The following OLA1 variants were observed in gnomAD, a reference collection of about 807,000 sequenced individuals.
OLA1 encodes the protein Obg like ATPase 1.
A neutral mutation model predicts 48.4 loss-of-function variants in OLA1; 14 were observed. The ratio of observed to expected loss-of-function variants is 0.29; its 90% CI spans 0.19 to 0.45. The LOEUF (loss-of-function observed/expected upper bound fraction) is 0.45. OLA1 is among the 20% of genes least tolerant of loss of function. The probability of loss-of-function intolerance (pLI) is 1.00; values close to 1 mark genes in which losing one functional copy is unlikely to be tolerated. For missense variants in OLA1, 325 were observed against 467.1 expected, an observed-to-expected ratio of 0.70 and a Z score of 2.80; for synonymous variants, 127 against 150.4, an observed-to-expected ratio of 0.84 and a Z score of 1.14.
chr2:174,196,890 A>C (rs1559000045), intron 4 of OLA1, among the ~76,000 whole-genome samples: 1 of 152,260 alleles, frequency 6.6e-6, no homozygotes, highest in South Asian at 2.1e-4. Flanking sequence ...AAGAAGCTGA[A>C]TCAGACAAAC....
At chr2:174,242,134 T>C (rs1387602079) in intron 2 of OLA1, among the ~76,000 whole-genome samples, 1 of 152,188 alleles carries the variant, frequency 6.6e-6, no homozygotes, top group Non-Finnish European at 1.5e-5. Flanking sequence ...TGCCTGGAAT[T>C]CACAACACCT....
chr2:174,125,410 G>C (rs1049998869), intron 5 of OLA1, among the ~76,000 whole-genome samples: 3 of 152,038 alleles, frequency 2.0e-5, no homozygotes, highest in African/African-American at 7.3e-5. Context: ...TGAGTGGCCA[G>C]AACAGCTTAT....
chr2:174,102,833 T>C (rs563242832), intron 7 of OLA1, among the ~76,000 whole-genome samples: 14 of 152,328 alleles, frequency 9.2e-5, no homozygotes, highest in African/African-American at 3.4e-4. Context: ...AAGTTCCTGA[T>C]CTTCCTATTG....
rs950203095 is a variant in OLA1 at position 174,091,948 on chromosome 2, C to T, written c.729-9884G>A. Among the ~76,000 whole-genome samples, 25 of 124,838 alleles carry T rather than the reference C, an allele frequency of 2.0e-4. 1 individual carries two copies. The highest frequency in any genetic ancestry group is 7.7e-4 in the African/African-American group (25 of 32,644). 81.9% of individuals were successfully genotyped at this position (124,838 alleles called of 152,430 possible). ...TTTTCTGCCAATCTCTATTCCCTTACATTGACTTATTTTTATTCATGGCAC... is the reference window on the plus strand; with the variant it reads ...TTTTCTGCCAATCTCTATTCCCTTATATTGACTTATTTTTATTCATGGCAC... On this transcript the variant is annotated intron_variant, in intron 7 of 10. Transcript: ENST00000284719.
At position 174,210,856 on chromosome 2, in the gene OLA1, CT is replaced by C. The variant is rs1688224375; in HGVS notation, c.373+12176del. 2.0e-5 allele frequency among the ~76,000 whole-genome samples: 3 copies of C among 152,140 alleles called. 1 individual carries two copies. Among genetic ancestry groups the C allele is most frequent in the Non-Finnish European group, 4.4e-5 (3 of 68,024 alleles). ...GCTGAAATCTACTTAAAAGGCTGTG[CT>C]TCTTCCTCTATCATCATTCTTACCT... is the stretch of plus-strand genomic sequence containing the variant. On this transcript the variant is annotated intron_variant, in intron 4 of 10. Transcript: ENST00000284719.
chr2:174,115,381 C>A (rs1685757345), intron 7 of OLA1, among the ~76,000 whole-genome samples: 1 of 152,066 alleles, frequency 6.6e-6, no homozygotes, highest in African/African-American at 2.4e-5. Flanking sequence ...AAATAAATTG[C>A]AATTATTACT....
chr2:174,097,822 G>A (rs1464437025), intron 7 of OLA1, among the ~76,000 whole-genome samples: 1 of 152,084 alleles, frequency 6.6e-6, no homozygotes, highest in East Asian at 1.9e-4. Context: ...CCCTTCCCAA[G>A]TGGATCTTTC....
chr2:174,164,115 T>TGGCAGGTG (rs1189172108), intron 4 of OLA1, among the ~76,000 whole-genome samples: 5 of 151,952 alleles, frequency 3.3e-5, no homozygotes, highest in Non-Finnish European at 5.9e-5. Context: ...TGCCGCCCTG[T>TGGCAGGTG]GAAGAGGTGC....
intron 5 of OLA1, among the ~76,000 whole-genome samples, chr2:174,129,855 C>T (rs1259492721): frequency 6.6e-6 from 1 of 152,136 alleles, no homozygotes; most frequent in Non-Finnish European, 1.5e-5. Flanking sequence ...ATCAGGGTGA[C>T]TCACTCTTAT....
At chr2:174,177,632 T>C (rs1373997820) in intron 4 of OLA1, among the ~76,000 whole-genome samples, 3 of 152,126 alleles carry the variant, frequency 2.0e-5, no homozygotes, top group African/African-American at 7.2e-5. Flanking sequence ...AGAGCACTAT[T>C]ATTCACTGCT....
intron 4 of OLA1, among the ~76,000 whole-genome samples, chr2:174,201,110 C>G (rs763662856): frequency 2.0e-5 from 3 of 152,032 alleles, no homozygotes; most frequent in African/African-American, 2.4e-5. Context: ...AGTATCATCA[C>G]GAGTATTTTA....
intron 7 of OLA1, among the ~76,000 whole-genome samples, chr2:174,120,473 G>A (rs1342192362): frequency 1.3e-5 from 2 of 152,124 alleles, no homozygotes; most frequent in African/African-American, 2.4e-5. Flanking sequence ...AATGGTTTGT[G>A]GATTCACTTA....
chr2:174,234,388 C>T (rs1270516902), intron 2 of OLA1, among the ~76,000 whole-genome samples: 2 of 152,134 alleles, frequency 1.3e-5, no homozygotes, highest in African/African-American at 2.4e-5. Context: ...AAAAATTACA[C>T]ACAAATCTTT....
chr2:174,162,881 C>CA (rs879004117), intron 4 of OLA1, among the ~76,000 whole-genome samples: 1 of 151,796 alleles, frequency 6.6e-6, no homozygotes, highest in Non-Finnish European at 1.5e-5. Context: ...CCTGTCTCTG[C>CA]AAAAAATACA....
At chr2:174,194,587 G>A (rs969883998) in intron 4 of OLA1, among the ~76,000 whole-genome samples, 2 of 152,154 alleles carry the variant, frequency 1.3e-5, no homozygotes, top group African/African-American at 4.8e-5. Flanking sequence ...AATATTTCCC[G>A]ATGACTGGTC....
chr2:174,082,150 T>A lies in OLA1; in HGVS notation c.729-86A>T. 3 of 1,431,896 alleles carry A rather than the reference T, an allele frequency of 2.1e-6. No individual in the cohort carries two copies. The South Asian group carries it at 3.6e-5, about 17-fold the overall frequency. 88.7% of individuals were successfully genotyped at this position (1,431,896 alleles called of 1,614,324 possible). On this transcript the variant is annotated intron_variant, in intron 7 of 10. Transcript: ENST00000284719. ...TTATTATCAAGTAGCACATACATAT[T>A]CATAAGAATTGCACGGTTTTATGAT... is the stretch of plus-strand genomic sequence containing the variant.
At chr2:174,215,138 G>A (rs1688335184) in intron 4 of OLA1, among the ~76,000 whole-genome samples, 1 of 152,054 alleles carries the variant, frequency 6.6e-6, no homozygotes, top group Non-Finnish European at 1.5e-5. Flanking sequence ...GAACATTCTG[G>A]TATTTAAAGA....
chr2:174,152,532 C>G (rs1686769956), intron 4 of OLA1, among the ~76,000 whole-genome samples: 1 of 152,170 alleles, frequency 6.6e-6, no homozygotes, highest in Non-Finnish European at 1.5e-5. Flanking sequence ...ACTAATAGCA[C>G]ATTCTGCTAA....
chr2:174,127,766 G>C (rs1686076030), intron 5 of OLA1, among the ~76,000 whole-genome samples: 1 of 151,992 alleles, frequency 6.6e-6, no homozygotes, highest in Non-Finnish European at 1.5e-5. Flanking sequence ...TAGGTCCAGG[G>C]ACTCCCAGAC....
Sources: allele counts gnomAD v4.1 joint callset (sites outside exome capture counted in the v4.1 genomes callset), GRCh38; gene constraint gnomAD v4.1.1; transcripts MANE v1.5; gene names NCBI Gene and HGNC (gene_info 2026-07-23, HGNC 2026-07-21).